PKMYT1: variants seen among roughly 807,000 people sequenced by gnomAD.
PKMYT1 encodes membrane-associated tyrosine- and threonine-specific cdc2-inhibitory kinase.
PKMYT1 carries 35 observed loss-of-function variants against 49.7 expected under a neutral mutation model. That is an observed-to-expected ratio of 0.70 (90% CI 0.54 to 0.93). PKMYT1 has a LOEUF of 0.93. Among genes scored for constraint, PKMYT1 ranks in the 40% least tolerant of loss-of-function variants. PKMYT1 has a pLI of 0.00. For missense variants in PKMYT1, 677 were observed against 673.1 expected, an observed-to-expected ratio of 1.01 and a Z score of -0.06; for synonymous variants, 331 against 287.6, an observed-to-expected ratio of 1.15 and a Z score of -1.53.
At chr16:2,973,295 C>G in intron 7 of PKMYT1, 80 bp from the exon 8 acceptor site, 3 of 1,507,242 alleles carry the variant, frequency 2.0e-6, no homozygotes, top group East Asian at 2.5e-5. Flanking sequence ...CCTGTGCAGG[C>G]TCCAGGCTCC....
chr16:2,974,871 C>A, intron 4 of PKMYT1: 1 of 584,046 alleles, frequency 1.7e-6, no homozygotes, highest in South Asian at 2.0e-5. Flanking sequence ...GCCCAGGGAG[C>A]CCACAAGCCA....
chr16:2,973,432 T>C (rs1390039700), intron 7 of PKMYT1: 1 of 1,531,204 alleles, frequency 6.5e-7, no homozygotes, highest in Non-Finnish European at 8.7e-7. Flanking sequence ...TCTGTCCTTT[T>C]CAGAACACAT....
intron 4 of PKMYT1, 44 bp from the exon 5 acceptor site, chr16:2,974,700 T>TG: frequency 7.4e-7 from 1 of 1,349,382 alleles, no homozygotes; most frequent in South Asian, 1.3e-5. Context: ...GGGTTGGCCC[T>TG]GGGACACAGA....
intron 2 of PKMYT1, among the ~76,000 whole-genome samples, chr16:2,978,726 C>T (rs984062153): frequency 9.2e-5 from 13 of 141,732 alleles, no homozygotes; most frequent in African/African-American, 3.2e-4. Flanking sequence ...CCAGCCTGGG[C>T]AACAGAGCGA....
intron 3 of PKMYT1, among the ~76,000 whole-genome samples, chr16:2,976,405 G>T (rs887271417): frequency 2.0e-5 from 3 of 152,240 alleles, no homozygotes; most frequent in African/African-American, 7.2e-5. Context: ...AGGGCCGGAG[G>T]AGATGGCACA....
At chr16:2,973,541 T>C in intron 7 of PKMYT1, 1 of 1,074,216 alleles carries the variant, frequency 9.3e-7, no homozygotes, top group Non-Finnish European at 1.3e-6. Flanking sequence ...GGTGATGTGT[T>C]TGTAAGGAAG....
chr16:2,978,364 A>G (rs2072254596), intron 2 of PKMYT1, among the ~76,000 whole-genome samples: 1 of 152,174 alleles, frequency 6.6e-6, no homozygotes, highest in South Asian at 2.1e-4. Flanking sequence ...ACCACAGAGA[A>G]GTGGAGAAAG....
rs562236036 is a variant in PKMYT1 at position 2,974,528 on chromosome 16, C to G, written c.979+22G>C. The G allele has an allele frequency of 2.4e-5, 37 of 1,538,646 alleles. No individual in the cohort carries two copies. In the East Asian group the frequency reaches 8.2e-4, roughly 34 times the overall value. ...TCCCCAGGAGCCCGTGGCAGCACCC[C>G]CTCCCGCCCTCACCTACTCACCGGC... is the stretch of plus-strand genomic sequence containing the variant. On this transcript the variant is annotated intron_variant, in intron 5 of 8. Coordinates refer to ENST00000262300, the MANE Select transcript of PKMYT1 (RefSeq NM_004203.5).
intron 7 of PKMYT1, 168 bp downstream of exon 7, chr16:2,973,832 T>C: frequency 1.3e-6 from 1 of 754,604 alleles, no homozygotes; most frequent in Non-Finnish European, 2.2e-6. Flanking sequence ...CATGCCCAGC[T>C]GCATTAAGCC....
chr16:2,978,975 T>A (rs1009971233), intron 2 of PKMYT1, among the ~76,000 whole-genome samples: 1 of 151,538 alleles, frequency 6.6e-6, no homozygotes, highest in African/African-American at 2.4e-5. Context: ...CTAGAATAAT[T>A]TTTATATTTT....
chr16:2,976,071 C>T (rs1596452311), intron 3 of PKMYT1: 1 of 456,408 alleles, frequency 2.2e-6, no homozygotes, highest in Non-Finnish European at 3.9e-6. Context: ...TTGGATGTGT[C>T]ACGAGGTGGA....
chr16:2,977,503 G>A, intron 2 of PKMYT1: 3 of 992,400 alleles, frequency 3.0e-6, no homozygotes, highest in Non-Finnish European at 3.6e-6. Context: ...CCCAGTTAGT[G>A]GTGTCCACTT....
intron 3 of PKMYT1, 168 bp from the exon 4 acceptor site, chr16:2,975,980 ACCT>A: frequency 1.4e-6 from 1 of 702,874 alleles, no homozygotes; most frequent in Non-Finnish European, 2.3e-6. Flanking sequence ...AACCAGACAA[ACCT>A]CCATCCCTCG....
At position 2,975,331 on chromosome 16, in the gene PKMYT1, G is replaced by A. The variant is rs761362077; in HGVS notation, c.860C>T (p.Ala287Val). The change falls in exon 4 of 9, where the codon GCG becomes GTG. Residue 287 changes from alanine to valine, a missense_variant. Physicochemically the swap from Ala to Val is moderately conservative, Grantham distance 64 (BLOSUM62 0). Coordinates refer to ENST00000262300, the MANE Select transcript of PKMYT1 (RefSeq NM_004203.5). ...ELLQGSYGTA[A>V]DVFSLGLTIL... ...CCCCGGTCCCCACCTGAACACATCC[G>A]CTGCTGTCCCATAGGAGCCCTGCAG... The A allele has an allele frequency of 7.4e-6, 12 of 1,611,702 alleles. No individual in the cohort carries two copies. Among genetic ancestry groups the A allele is most frequent in the East Asian group, 2.2e-5 (1 of 44,828 alleles).
At position 2,979,930 on chromosome 16, in the gene PKMYT1, G is replaced by C; in HGVS notation, c.-255-18C>G. Reference sequence around the variant, plus strand: ...GGGAAGCCCTGGCGAACAGAGCAGTGGACGGGCTGTCACGAGGGAAGAGGG... The same window carrying C: ...GGGAAGCCCTGGCGAACAGAGCAGTCGACGGGCTGTCACGAGGGAAGAGGG... On this transcript the variant is annotated intron_variant, in intron 1 of 8. Transcript: ENST00000262300. The C allele has an allele frequency of 1.9e-6, 1 of 533,020 alleles. No individual in the cohort carries two copies. The highest frequency in any genetic ancestry group is 3.2e-5 in the East Asian group (1 of 31,446). The allele number at this position is 533,020 out of a possible 1,614,324, so 33.0% of individuals were successfully genotyped here. A position where few individuals can be genotyped will look rare whatever the true frequency, so the allele number is the denominator to read the frequency against.
At chr16:2,973,483 A>G in intron 7 of PKMYT1, 3 of 1,475,308 alleles carry the variant, frequency 2.0e-6, no homozygotes, top group Non-Finnish European at 9.0e-7. Flanking sequence ...TAGTAAATGT[A>G]AGCCTTTCTG....
Position 2,972,822 on chromosome 16 carries a change from G to C in PKMYT1, c.*131C>G. 6.5e-7 allele frequency: 1 copy of C among 1,537,424 alleles called. No homozygotes were observed. The highest frequency in any genetic ancestry group is 8.8e-7 in the Non-Finnish European group (1 of 1,138,802). On this transcript the variant is annotated 3_prime_UTR_variant, in exon 9 of 9. Coordinates refer to ENST00000262300, the MANE Select transcript of PKMYT1 (RefSeq NM_004203.5). ...CATGAGCAAGCTTGGGTGCTCCCAAGGTTCAAATACTTTTTATTAGACACG... is the reference window on the plus strand; with the variant it reads ...CATGAGCAAGCTTGGGTGCTCCCAACGTTCAAATACTTTTTATTAGACACG...
intron 2 of PKMYT1, among the ~76,000 whole-genome samples, chr16:2,978,362 G>T (rs1479503527): frequency 6.6e-6 from 1 of 152,188 alleles, no homozygotes; most frequent in Non-Finnish European, 1.5e-5. Flanking sequence ...TTACCACAGA[G>T]AAGTGGAGAA....
At chr16:2,975,920 C>T (rs183293644) in intron 3 of PKMYT1, 108 bp from the exon 4 acceptor site, 20 of 1,191,264 alleles carry the variant, frequency 1.7e-5, no homozygotes, top group East Asian at 1.4e-4. Flanking sequence ...ACACGGGGCA[C>T]GGTGGTGTAG....
Sources: gnomAD v4.1 joint callset for allele counts (sites outside exome capture counted in the v4.1 genomes callset) on GRCh38, gnomAD v4.1.1 for gene constraint, MANE v1.5 for transcripts, NCBI Gene and HGNC (gene_info 2026-07-23, HGNC 2026-07-21) for gene names.